The following CDH23 variants were observed in gnomAD, a reference collection of about 807,000 sequenced individuals.
CDH23 encodes cadherin related 23.
A neutral mutation model predicts 317.1 loss-of-function variants in CDH23; 189 were observed. The ratio of observed to expected loss-of-function variants is 0.60; its 90% CI spans 0.53 to 0.67. The LOEUF (loss-of-function observed/expected upper bound fraction) is 0.67. Among genes scored for constraint, CDH23 ranks in the 30% least tolerant of loss-of-function variants. The pLI, the probability that CDH23 is intolerant of heterozygous loss-of-function variation, is 0.00. For synonymous variants in CDH23, 1,839 were observed against 1,876.8 expected (o/e 0.98, Z 0.52); for missense variants, 4,401 against 4,592.4 (o/e 0.96, Z 1.20).
Position 71,511,217 on chromosome 10 carries a change from G to A in CDH23, c.429+5G>A. ...TACAGCGTCCGCATCCCTGAGGTAG[G>A]AGCCACTGGGGTTACCCTTGAGGGT... is the stretch of plus-strand genomic sequence containing the variant. On this transcript the variant is annotated splice_donor_5th_base_variant and intron_variant, in intron 6 of 69. Transcript: ENST00000224721. 6.2e-7 allele frequency: 1 copy of A among 1,612,598 alleles called. No individual in the cohort carries two copies. The highest frequency in any genetic ancestry group is 8.5e-7 in the Non-Finnish European group (1 of 1,178,788).
chr10:71,527,778 T>G (rs1186743679), intron 6 of CDH23, among the ~76,000 whole-genome samples: 3 of 152,136 alleles, frequency 2.0e-5, no homozygotes, highest in Non-Finnish European at 4.4e-5. Context: ...ATCACAAACT[T>G]TATAAGGCTT....
intron 3 of CDH23, among the ~76,000 whole-genome samples, chr10:71,487,628 A>G (rs1238678422): frequency 6.6e-6 from 1 of 152,164 alleles, no homozygotes; most frequent in Non-Finnish European, 1.5e-5. Context: ...TCGTTAAATC[A>G]TTTGGTGGGG....
intron 3 of CDH23, among the ~76,000 whole-genome samples, chr10:71,505,328 A>G (rs1456235442): frequency 2.6e-5 from 4 of 152,206 alleles, no homozygotes; most frequent in Non-Finnish European, 5.9e-5. Flanking sequence ...AAGGATTCCA[A>G]ATTCTTGGAA....
chr10:71,575,923 T>A (rs1858158084), intron 8 of CDH23, among the ~76,000 whole-genome samples: 1 of 152,348 alleles, frequency 6.6e-6, no homozygotes, highest in South Asian at 2.1e-4. Context: ...AAAAGTGGAT[T>A]TATTTACCCA....
At chr10:71,428,581 T>TA (rs910700830) in intron 1 of CDH23, among the ~76,000 whole-genome samples, 1 of 151,706 alleles carries the variant, frequency 6.6e-6, no homozygotes, top group African/African-American at 2.4e-5. Flanking sequence ...TGGCCATTTG[T>TA]ATATCTTCTT....
At position 71,803,309 on chromosome 10, in the gene CDH23, A is replaced by G; in HGVS notation, c.7761A>G (p.Gly2587=). 6.3e-7 allele frequency: 1 copy of G among 1,591,342 alleles called. No individual in the cohort carries two copies. Among genetic ancestry groups the G allele is most frequent in the East Asian group, 2.3e-5 (1 of 43,384 alleles). The change falls in exon 55 of 70, where the codon GGA becomes GGG. Residue 2587 remains glycine (G), a synonymous_variant. Coordinates refer to ENST00000224721, the MANE Select transcript of CDH23 (RefSeq NM_022124.6). ...TGACCGTGGTGGCCACAGATGGTGG[A>G]GAGCCCCCACTCTGGGGCACCACCA... ...FSLTVVATDG[G]EPPLWGTTML...
chr10:71,581,992 G>A (rs1858673061), intron 9 of CDH23, among the ~76,000 whole-genome samples: 1 of 152,168 alleles, frequency 6.6e-6, no homozygotes, highest in Non-Finnish European at 1.5e-5. Flanking sequence ...CAAGATGTTC[G>A]ACCTCTCAAT....
chr10:71,682,296 G>T, intron 17 of CDH23, 149 bp from the exon 18 acceptor site: 1 of 992,682 alleles, frequency 1.0e-6, no homozygotes, highest in South Asian at 1.6e-5. Context: ...AACCTCAGTC[G>T]AGATGTTGAG....
chr10:71,697,353 G>A (rs929710478), intron 22 of CDH23, among the ~76,000 whole-genome samples: 2 of 152,168 alleles, frequency 1.3e-5, no homozygotes, highest in East Asian at 1.9e-4. Context: ...CAGGCCCCAC[G>A]CTTGTCAGGC....
intron 18 of CDH23, 150 bp downstream of exon 18, chr10:71,682,722 C>T: frequency 9.6e-7 from 1 of 1,041,784 alleles, no homozygotes; most frequent in Non-Finnish European, 1.4e-6. Context: ...CCAAAGCCTG[C>T]CCTTAGCAAG....
intron 10 of CDH23, among the ~76,000 whole-genome samples, chr10:71,616,107 C>T (rs947117987): frequency 1.3e-5 from 2 of 152,244 alleles, no homozygotes; most frequent in Non-Finnish European, 2.9e-5. Context: ...GAGCTACAGT[C>T]CCGCACCCGC....
chr10:71,533,511 AGGCT>A (rs1855518786), intron 6 of CDH23, among the ~76,000 whole-genome samples: 2 of 145,520 alleles, frequency 1.4e-5, no homozygotes, highest in Admixed American at 1.4e-4. Context: ...TTGTGACCCT[AGGCT>A]GGCTGGACAC....
intron 32 of CDH23, 62 bp from the exon 33 acceptor site, chr10:71,734,178 G>A (rs1839483963): frequency 1.4e-6 from 2 of 1,393,292 alleles, no homozygotes; most frequent in Non-Finnish European, 2.0e-6. Flanking sequence ...AAAGTGGGCA[G>A]AATGACCAGG....
At chr10:71,499,572 G>A (rs923285041) in intron 3 of CDH23, among the ~76,000 whole-genome samples, 1 of 149,744 alleles carries the variant, frequency 6.7e-6, no homozygotes, top group Non-Finnish European at 1.5e-5. Context: ...AGGTGCCGTG[G>A]CTCACGCCTG....
intron 38 of CDH23, among the ~76,000 whole-genome samples, chr10:71,752,685 GTC>G (rs1248528559): frequency 6.6e-6 from 1 of 152,150 alleles, no homozygotes; most frequent in Non-Finnish European, 1.5e-5. Flanking sequence ...ATGTCTCACT[GTC>G]TGCCCCAGAC....
intron 3 of CDH23, among the ~76,000 whole-genome samples, chr10:71,468,581 C>T (rs1280157673): frequency 4.6e-5 from 7 of 152,196 alleles, no homozygotes; most frequent in Admixed American, 4.6e-4. Flanking sequence ...TGCACTTGCC[C>T]TGCCCTGTTC....
chr10:71,456,043 G>T (rs1050325651), intron 3 of CDH23, among the ~76,000 whole-genome samples: 22 of 152,016 alleles, frequency 1.4e-4, no homozygotes, highest in Admixed American at 1.3e-4. Context: ...CTCCTGGGTT[G>T]GTGGGCTGTG....
At chr10:71,675,290 G>A (rs527939629) in intron 15 of CDH23, 114 bp downstream of exon 15, 1 of 852,154 alleles carries the variant, frequency 1.2e-6, no homozygotes, top group African/African-American at 1.7e-5. Flanking sequence ...TGGGTCCTGT[G>A]GCTAGAGCAC....
In CDH23 at chr10:71,805,816, T is replaced by C. The variant is rs1841695753; in HGVS notation, c.7883T>C (p.Leu2628Pro). 6.2e-7 allele frequency: 1 copy of C among 1,613,054 alleles called. No homozygotes were observed. Among genetic ancestry groups the C allele is most frequent in the South Asian group, 1.1e-5 (1 of 90,816 alleles). ...CCATGCTCCCCACAGGAGATCCCGC[T>C]GCGCTCCAACGTGTACGAGGTCTAC... The part of the protein sequence containing the change: ...TILHIREEIP[L>P]RSNVYEVYAT... The change falls in exon 56 of 70, where the codon CTG (leucine) becomes CCG (proline). Residue 2628 changes from leucine (L) to proline (P), a missense_variant. Around this residue, in one of 3 missense-constraint regions of CDH23, gnomAD observed 1,144 missense variants for 1,138.2 expected, o/e 1.01. Transcript: ENST00000224721.
Sources: allele counts gnomAD v4.1 joint callset (sites outside exome capture counted in the v4.1 genomes callset), GRCh38; gene constraint gnomAD v4.1.1; regional missense constraint gnomAD v4.1.1; transcripts MANE v1.5; gene names NCBI Gene and HGNC (gene_info 2026-07-23, HGNC 2026-07-21).